The following PCDH9 variants were observed in gnomAD, a reference collection of about 807,000 sequenced individuals.
PCDH9 encodes protocadherin-9.
A neutral mutation model predicts 70.6 loss-of-function variants in PCDH9; 24 were observed. The observed-to-expected ratio is 0.34, with a 90% CI of 0.25 to 0.48. PCDH9 has a LOEUF of 0.48. Ranked by LOEUF, PCDH9 falls within the 20% of genes least tolerant of loss-of-function variation. PCDH9 has a pLI of 0.99. For synonymous variants in PCDH9, 562 were observed against 558.5 expected (o/e 1.01, Z -0.09); for missense variants, 1,281 against 1,503.6 (o/e 0.85, Z 2.45).
chr13:66,871,545 T>G (rs536181391), intron 3 of PCDH9, among the ~76,000 whole-genome samples: 1 of 152,192 alleles, frequency 6.6e-6, no homozygotes, highest in African/African-American at 2.4e-5. Flanking sequence ...CTACCGTAGT[T>G]AGTCCCTCTG....
chr13:66,538,872 A>G (rs1960823955), intron 4 of PCDH9, among the ~76,000 whole-genome samples: 1 of 152,106 alleles, frequency 6.6e-6, no homozygotes, highest in African/African-American at 2.4e-5. Context: ...AGTCTTAGCA[A>G]AATATTTGAC....
At chr13:66,918,135 G>A (rs2082584631) in intron 2 of PCDH9, among the ~76,000 whole-genome samples, 1 of 151,304 alleles carries the variant, frequency 6.6e-6, no homozygotes, top group South Asian at 2.1e-4. Flanking sequence ...GAATCCAACT[G>A]TAGCCATGTA....
intron 3 of PCDH9, among the ~76,000 whole-genome samples, chr13:66,649,315 G>T (rs906375454): frequency 6.6e-6 from 1 of 151,864 alleles, no homozygotes; most frequent in Admixed American, 6.6e-5. Flanking sequence ...AACAGCAAGA[G>T]AAAAGAAAAG....
chr13:66,698,895 CTT>C (rs67333897), intron 3 of PCDH9, among the ~76,000 whole-genome samples: 1,938 of 61,224 alleles, frequency 0.032, 31 homozygotes, highest in African/African-American at 0.072. Flanking sequence ...CTCAATTCCT[CTT>C]TTTTTTTTTT....
chr13:66,857,304 T>C (rs1387741116), intron 3 of PCDH9, among the ~76,000 whole-genome samples: 1 of 152,184 alleles, frequency 6.6e-6, no homozygotes, highest in African/African-American at 2.4e-5. Context: ...AGGACTAATT[T>C]ACCTTGGAGC....
Position 66,764,231 on chromosome 13 carries a change from T to A in PCDH9, c.3139-132820A>T, listed in dbSNP as rs552584310. 3.3e-5 allele frequency among the ~76,000 whole-genome samples: 5 copies of A among 150,330 alleles called. No homozygotes were observed. In the South Asian group the frequency reaches 1.1e-3, roughly 32 times the overall value. On this transcript the variant is annotated intron_variant, in intron 3 of 4. Coordinates refer to ENST00000377865, the MANE Select transcript of PCDH9 (RefSeq NM_203487.3). Reference sequence around the variant, plus strand: ...TAATGATTGATCACACACAAACACATACATTTCCATGTATGCACTGAAAAA... The same window carrying A: ...TAATGATTGATCACACACAAACACAAACATTTCCATGTATGCACTGAAAAA...
intron 3 of PCDH9, among the ~76,000 whole-genome samples, chr13:66,699,546 C>T (rs1161184022): frequency 6.6e-6 from 1 of 152,052 alleles, no homozygotes. Flanking sequence ...GGGAAGTGTG[C>T]AGATGGAGGC....
chr13:66,879,646 T>C (rs2081887180), intron 3 of PCDH9, among the ~76,000 whole-genome samples: 1 of 152,206 alleles, frequency 6.6e-6, no homozygotes, highest in South Asian at 2.1e-4. Context: ...TTTCCTCACC[T>C]TGTTCATGTT....
chr13:66,552,460 T>A (rs1469830750), intron 4 of PCDH9, among the ~76,000 whole-genome samples: 4 of 152,138 alleles, frequency 2.6e-5, no homozygotes, highest in Non-Finnish European at 5.9e-5. Context: ...TTGTATGATG[T>A]GATTCCCTCT....
chr13:66,460,178 T>C (rs1337325726), intron 4 of PCDH9, among the ~76,000 whole-genome samples: 3 of 151,882 alleles, frequency 2.0e-5, no homozygotes, highest in Admixed American at 6.6e-5. Flanking sequence ...CAATGGAAAT[T>C]AGCATGACAG....
In PCDH9 at chr13:66,303,189, G is replaced by A. The variant is rs1231299488; in HGVS notation, c.*1466C>T. 4.0e-5 allele frequency: 6 copies of A among 150,816 alleles called. No individual in the cohort carries two copies. The highest frequency in any genetic ancestry group is 8.9e-5 in the Non-Finnish European group (6 of 67,688). 9.3% of individuals were successfully genotyped at this position (150,816 alleles called of 1,614,324 possible). A position where few individuals can be genotyped will look rare whatever the true frequency, so the allele number is the denominator to read the frequency against. On this transcript the variant is annotated 3_prime_UTR_variant, in exon 5 of 5. Transcript: ENST00000377865. ...GATAACTTCCACTTCTTTCAATAAA[G>A]ACATTTTGTTGCATGCTATTTATTT...
At chr13:66,711,066 A>AT (rs1387572288) in intron 3 of PCDH9, among the ~76,000 whole-genome samples, 2 of 152,122 alleles carry the variant, frequency 1.3e-5, no homozygotes, top group Admixed American at 6.6e-5. Context: ...GATAGGGAAT[A>AT]TTTTTTGTCT....
intron 4 of PCDH9, among the ~76,000 whole-genome samples, chr13:66,412,806 A>C (rs1400277546): frequency 6.6e-6 from 1 of 152,106 alleles, no homozygotes; most frequent in Non-Finnish European, 1.5e-5. Context: ...CTGCTAATTG[A>C]GTAAAAGTAA....
chr13:67,177,642 C>T (rs2088500065), intron 2 of PCDH9, among the ~76,000 whole-genome samples: 1 of 151,936 alleles, frequency 6.6e-6, no homozygotes, highest in Non-Finnish European at 1.5e-5. Flanking sequence ...GTGTTGATTC[C>T]CCTATGTTGT....
chr13:66,583,590 G>A (rs2076923698), intron 4 of PCDH9, among the ~76,000 whole-genome samples: 1 of 151,698 alleles, frequency 6.6e-6, no homozygotes, highest in Non-Finnish European at 1.5e-5. Context: ...CTCCAGTCTG[G>A]GTGACAGAGT....
chr13:67,180,716 T>A (rs1204072835), intron 2 of PCDH9, among the ~76,000 whole-genome samples: 1 of 152,192 alleles, frequency 6.6e-6, no homozygotes, highest in Non-Finnish European at 1.5e-5. Context: ...TAGGCTTTTC[T>A]ATCTATTGCT....
chr13:66,760,745 G>A (rs1041030277), intron 3 of PCDH9, among the ~76,000 whole-genome samples: 4 of 152,130 alleles, frequency 2.6e-5, no homozygotes, highest in African/African-American at 9.7e-5. Flanking sequence ...AAAGCGAATA[G>A]GAGAAATATC....
intron 4 of PCDH9, among the ~76,000 whole-genome samples, chr13:66,342,405 T>C (rs1956142801): frequency 6.6e-6 from 1 of 152,218 alleles, no homozygotes; most frequent in Non-Finnish European, 1.5e-5. Flanking sequence ...ATCATCAAAA[T>C]AATTTATGGT....
chr13:66,827,009 A>T (rs1319096549), intron 3 of PCDH9, among the ~76,000 whole-genome samples: 1 of 152,226 alleles, frequency 6.6e-6, no homozygotes, highest in Non-Finnish European at 1.5e-5. Context: ...TGAGGGAATT[A>T]TTCTGGATTG....
Sources: allele counts gnomAD v4.1 joint callset (sites outside exome capture counted in the v4.1 genomes callset), GRCh38; gene constraint gnomAD v4.1.1; transcripts MANE v1.5; gene names NCBI Gene and HGNC (gene_info 2026-07-23, HGNC 2026-07-21).